Variants in SNAP25 observed in about 807,000 individuals in gnomAD.
SNAP25 encodes synaptosomal-associated protein 25.
A neutral mutation model predicts 28.7 loss-of-function variants in SNAP25; 3 were observed. The observed-to-expected ratio is 0.10, with a 90% CI of 0.05 to 0.27. The LOEUF is 0.27. SNAP25 is among the 10% of genes least tolerant of loss of function. The pLI, the probability that SNAP25 is intolerant of heterozygous loss-of-function variation, is 1.00. For synonymous variants in SNAP25, 61 were observed against 88.1 expected (o/e 0.69, Z 1.72); for missense variants, 117 against 278.7 (o/e 0.42, Z 4.13).
intron 1 of SNAP25, among the ~76,000 whole-genome samples, chr20:10,250,976 A>G (rs1171949941): frequency 2.0e-5 from 3 of 152,182 alleles, no homozygotes; most frequent in Non-Finnish European, 4.4e-5. Flanking sequence ...GCCTAAGTAC[A>G]CACTATGATG....
intron 1 of SNAP25, among the ~76,000 whole-genome samples, chr20:10,220,230 T>G (rs2062604144): frequency 6.6e-6 from 1 of 152,240 alleles, no homozygotes; most frequent in African/African-American, 2.4e-5. Context: ...TTCCTTTTCC[T>G]TCTTCCCCCA....
chr20:10,280,387 G>A (rs992646554), intron 3 of SNAP25, among the ~76,000 whole-genome samples: 2 of 152,148 alleles, frequency 1.3e-5, no homozygotes, highest in Admixed American at 1.3e-4. Flanking sequence ...TTCTCAGCCT[G>A]GAGTTAGGAA....
At chr20:10,273,273 C>A (rs187410014) in intron 1 of SNAP25, among the ~76,000 whole-genome samples, 1 of 152,136 alleles carries the variant, frequency 6.6e-6, no homozygotes, top group Non-Finnish European at 1.5e-5. Flanking sequence ...CTCCCAGCTT[C>A]GGTTTTCAAT....
intron 5 of SNAP25, among the ~76,000 whole-genome samples, chr20:10,295,745 A>G (rs2064096067): frequency 6.6e-6 from 1 of 152,248 alleles, no homozygotes; most frequent in African/African-American, 2.4e-5. Flanking sequence ...ACTAAAAAGC[A>G]TATGGTTTCT....
intron 6 of SNAP25, among the ~76,000 whole-genome samples, chr20:10,297,429 C>T (rs550662750): frequency 1.3e-5 from 2 of 152,282 alleles, no homozygotes; most frequent in South Asian, 4.1e-4. Context: ...GTCACATGAC[C>T]ACATCCAGAC....
chr20:10,263,883 CTA>C (rs2122911694), intron 1 of SNAP25, among the ~76,000 whole-genome samples: 1 of 152,270 alleles, frequency 6.6e-6, no homozygotes, highest in East Asian at 1.9e-4. Flanking sequence ...GTTTGTTTAA[CTA>C]TGAACAGAAT....
intron 1 of SNAP25, among the ~76,000 whole-genome samples, chr20:10,258,227 G>A (rs184824003): frequency 1.3e-5 from 2 of 152,152 alleles, no homozygotes; most frequent in Non-Finnish European, 1.5e-5. Context: ...TTATTGCTCC[G>A]TAAGATATTA....
At chr20:10,243,143 C>G in intron 1 of SNAP25, among the ~76,000 whole-genome samples, 1 of 152,190 alleles carries the variant, frequency 6.6e-6, no homozygotes, top group Non-Finnish European at 1.5e-5. Flanking sequence ...TCAGAATGCC[C>G]TGGGATCTTC....
intron 1 of SNAP25, among the ~76,000 whole-genome samples, chr20:10,229,446 A>T (rs1381459065): frequency 6.6e-6 from 1 of 152,164 alleles, no homozygotes; most frequent in East Asian, 1.9e-4. Flanking sequence ...AAACCAATAA[A>T]TATAAAACCT....
chr20:10,254,351 T>C (rs1173178765), intron 1 of SNAP25, among the ~76,000 whole-genome samples: 1 of 152,112 alleles, frequency 6.6e-6, no homozygotes, highest in Non-Finnish European at 1.5e-5. Flanking sequence ...CCATGGAGGA[T>C]GATGCTGATG....
At chr20:10,232,312 CTCAA>C (rs1482651161) in intron 1 of SNAP25, among the ~76,000 whole-genome samples, 1 of 152,222 alleles carries the variant, frequency 6.6e-6, no homozygotes, top group East Asian at 1.9e-4. Flanking sequence ...GGGCCAAGTG[CTCAA>C]TCAATTGTGG....
chr20:10,294,684 G>A (rs747353664), intron 5 of SNAP25, among the ~76,000 whole-genome samples: 1 of 151,732 alleles, frequency 6.6e-6, no homozygotes, highest in South Asian at 2.1e-4. Flanking sequence ...AGACTTTCAG[G>A]CAGGAAAGTG....
intron 1 of SNAP25, among the ~76,000 whole-genome samples, chr20:10,225,897 A>G (rs954375978): frequency 6.6e-6 from 1 of 151,924 alleles, no homozygotes; most frequent in Non-Finnish European, 1.5e-5. Flanking sequence ...TAAAAAAATG[A>G]AAGTCTCTTA....
intron 1 of SNAP25, among the ~76,000 whole-genome samples, chr20:10,269,857 A>G (rs2063562249): frequency 6.6e-6 from 1 of 152,242 alleles, no homozygotes; most frequent in Non-Finnish European, 1.5e-5. Context: ...AACCATCCTC[A>G]GCTCAAGGCC....
intron 4 of SNAP25, among the ~76,000 whole-genome samples, chr20:10,290,026 A>G (rs2063964102): frequency 6.6e-6 from 1 of 152,004 alleles, no homozygotes; most frequent in Non-Finnish European, 1.5e-5. Flanking sequence ...GCCCCCAAGA[A>G]TAAACAGAAA....
At chr20:10,223,147 T>C (rs2062664964) in intron 1 of SNAP25, among the ~76,000 whole-genome samples, 1 of 152,182 alleles carries the variant, frequency 6.6e-6, no homozygotes, top group African/African-American at 2.4e-5. Context: ...AAAGATGGAA[T>C]GGTAGAATTT....
At chr20:10,256,148 A>C (rs2063315390) in intron 1 of SNAP25, among the ~76,000 whole-genome samples, 3 of 152,246 alleles carry the variant, frequency 2.0e-5, no homozygotes. Context: ...AGTTAAAATC[A>C]GAGCTAGGTA....
intron 1 of SNAP25, among the ~76,000 whole-genome samples, chr20:10,220,728 G>A (rs551572210): frequency 6.6e-6 from 1 of 152,182 alleles, no homozygotes; most frequent in African/African-American, 2.4e-5. Flanking sequence ...AGCGTCATAT[G>A]TAATAATCTA....
At chr20:10,244,919 C>T (rs1335806640) in intron 1 of SNAP25, among the ~76,000 whole-genome samples, 1 of 151,974 alleles carries the variant, frequency 6.6e-6, no homozygotes, top group Non-Finnish European at 1.5e-5. Flanking sequence ...TTAGTAGAGA[C>T]GGGGTTTCAC....
Sources: gnomAD v4.1 joint callset for allele counts (sites outside exome capture counted in the v4.1 genomes callset) on GRCh38, gnomAD v4.1.1 for gene constraint, MANE v1.5 for transcripts, NCBI Gene and HGNC (gene_info 2026-07-23, HGNC 2026-07-21) for gene names.